The following COL8A1 variants were observed in gnomAD, a reference collection of about 807,000 sequenced individuals.
COL8A1 encodes collagen type VIII alpha 1 chain, also known as collagen alpha-1(VIII) chain.
Under a neutral mutation model 42.7 loss-of-function variants are expected in COL8A1, and 21 were observed. That is an observed-to-expected ratio of 0.49 (90% confidence interval 0.35 to 0.71). The LOEUF (loss-of-function observed/expected upper bound fraction) is 0.71, where lower values mean the gene tolerates loss of function less well. Among genes scored for constraint, COL8A1 ranks in the 30% least tolerant of loss-of-function variants. The pLI is 0.01. For missense variants in COL8A1, 788 were observed against 962.4 expected (o/e 0.82, Z 2.40); for synonymous variants, 367 against 369.1 (o/e 0.99, Z 0.06).
At chr3:99,742,849 C>T (rs980808993) in intron 1 of COL8A1, among the ~76,000 whole-genome samples, 3 of 152,090 alleles carry the variant, frequency 2.0e-5, no homozygotes, top group African/African-American at 7.2e-5. Flanking sequence ...TGTATCTTCC[C>T]CTTGTTTTAT....
intron 1 of COL8A1, among the ~76,000 whole-genome samples, chr3:99,707,577 C>T (rs1032990485): frequency 1.3e-5 from 2 of 152,154 alleles, no homozygotes. Flanking sequence ...CTGTCCCTTG[C>T]GTCCTCTTGA....
At chr3:99,688,675 GTAT>G in intron 1 of COL8A1, among the ~76,000 whole-genome samples, 1 of 152,216 alleles carries the variant, frequency 6.6e-6, no homozygotes, top group East Asian at 1.9e-4. Context: ...CTAGTTTACT[GTAT>G]TATTATTACT....
intron 2 of COL8A1, among the ~76,000 whole-genome samples, chr3:99,772,409 T>C (rs955736790): frequency 2.6e-5 from 4 of 152,146 alleles, no homozygotes; most frequent in African/African-American, 9.7e-5. Flanking sequence ...TCAAAACTCA[T>C]AGAATGTACA....
intron 2 of COL8A1, among the ~76,000 whole-genome samples, chr3:99,774,498 C>T (rs949528495): frequency 6.6e-6 from 1 of 152,104 alleles, no homozygotes; most frequent in African/African-American, 2.4e-5. Context: ...TATGGATACA[C>T]ATCAAGGATT....
At chr3:99,641,379 T>TTCTTAGCCCTC (rs2107278754) in intron 1 of COL8A1, among the ~76,000 whole-genome samples, 1 of 152,318 alleles carries the variant, frequency 6.6e-6, no homozygotes, top group East Asian at 1.9e-4. Flanking sequence ...ACTATGCCCT[T>TTCTTAGCCCTC]CTTCTTAGCC....
chr3:99,673,815 G>A (rs1434906433), intron 1 of COL8A1, among the ~76,000 whole-genome samples: 2 of 151,966 alleles, frequency 1.3e-5, no homozygotes, highest in African/African-American at 4.8e-5. Flanking sequence ...ATTGTGTGAC[G>A]TGGGGAAGAT....
At chr3:99,736,016 A>G (rs1940701845) in intron 1 of COL8A1, among the ~76,000 whole-genome samples, 1 of 139,202 alleles carries the variant, frequency 7.2e-6, no homozygotes, top group African/African-American at 2.7e-5. Context: ...ATCATTTTTT[A>G]TTGCATCTAT....
intron 1 of COL8A1, among the ~76,000 whole-genome samples, chr3:99,697,095 T>C (rs1180569231): frequency 6.9e-6 from 1 of 144,992 alleles, no homozygotes; most frequent in Non-Finnish European, 1.5e-5. Context: ...CACGCCATTC[T>C]CCTGCCTCAG....
intron 2 of COL8A1, among the ~76,000 whole-genome samples, chr3:99,787,894 A>C (rs1264448589): frequency 6.6e-6 from 1 of 152,060 alleles, no homozygotes; most frequent in Non-Finnish European, 1.5e-5. Context: ...ACACACACAC[A>C]CACCAGCTGT....
chr3:99,743,805 A>G (rs538979697), intron 1 of COL8A1, among the ~76,000 whole-genome samples: 1 of 152,318 alleles, frequency 6.6e-6, no homozygotes, highest in South Asian at 2.1e-4. Flanking sequence ...CACATTTCGA[A>G]CTTACTAAAT....
At chr3:99,759,660 C>A (rs1220690079) in intron 2 of COL8A1, among the ~76,000 whole-genome samples, 1 of 152,160 alleles carries the variant, frequency 6.6e-6, no homozygotes, top group Non-Finnish European at 1.5e-5. Flanking sequence ...CACAATGACT[C>A]TGCTTTATTA....
chr3:99,788,515 A>G (rs530429612), intron 2 of COL8A1, among the ~76,000 whole-genome samples: 1 of 152,354 alleles, frequency 6.6e-6, no homozygotes, highest in Admixed American at 6.5e-5. Context: ...CATCCCCAAA[A>G]GTAGAATTAA....
chr3:99,644,166 T>C (rs748812696), intron 1 of COL8A1, among the ~76,000 whole-genome samples: 26 of 152,158 alleles, frequency 1.7e-4, no homozygotes, highest in Admixed American at 3.9e-4. Flanking sequence ...CTCAAATGCT[T>C]GAGAGATGAC....
chr3:99,766,214 T>C (rs1941460348), intron 2 of COL8A1, among the ~76,000 whole-genome samples: 1 of 152,198 alleles, frequency 6.6e-6, no homozygotes, highest in Non-Finnish European at 1.5e-5. Flanking sequence ...ATAGGGATTA[T>C]TATTCCCATT....
At chr3:99,732,443 T>A (rs1940539826) in intron 1 of COL8A1, among the ~76,000 whole-genome samples, 1 of 152,018 alleles carries the variant, frequency 6.6e-6, no homozygotes, top group East Asian at 1.9e-4. Flanking sequence ...AGCAAACACA[T>A]CCTTCTTCAC....
chr3:99,704,302 G>A (rs536512178), intron 1 of COL8A1, among the ~76,000 whole-genome samples: 91 of 152,164 alleles, frequency 6.0e-4, no homozygotes, highest in Non-Finnish European at 1.0e-3. Flanking sequence ...AATCTATTTA[G>A]TGCCTTAACA....
chr3:99,657,184 A>G (rs1401606872), intron 1 of COL8A1, among the ~76,000 whole-genome samples: 2 of 152,190 alleles, frequency 1.3e-5, no homozygotes, highest in Non-Finnish European at 2.9e-5. Flanking sequence ...AATCTTCACT[A>G]AGGCATTTCC....
chr3:99,674,865 A>G (rs1483148340), intron 1 of COL8A1, among the ~76,000 whole-genome samples: 1 of 152,104 alleles, frequency 6.6e-6, no homozygotes, highest in Non-Finnish European at 1.5e-5. Flanking sequence ...TATTTTTCAC[A>G]TTTAGAATTT....
intron 1 of COL8A1, among the ~76,000 whole-genome samples, chr3:99,695,951 T>C (rs1343542498): frequency 1.3e-5 from 2 of 152,022 alleles, no homozygotes; most frequent in Admixed American, 6.5e-5. Context: ...CTGGCCAAAA[T>C]AGTGAAACCC....
Sources: allele counts gnomAD v4.1 joint callset (sites outside exome capture counted in the v4.1 genomes callset), GRCh38; gene constraint gnomAD v4.1.1; transcripts MANE v1.5; gene names NCBI Gene and HGNC (gene_info 2026-07-23, HGNC 2026-07-21).